The following UNC5C variants were observed in gnomAD, a reference collection of about 807,000 sequenced individuals.
UNC5C encodes the protein netrin receptor UNC5C.
In UNC5C, 47 loss-of-function variants were observed where a neutral mutation model predicts 99.8. That is an observed-to-expected ratio of 0.47 (90% CI 0.37 to 0.60). UNC5C has a LOEUF of 0.60. Ranked by LOEUF, UNC5C falls within the 20% of genes least tolerant of loss-of-function variation. The pLI is 0.00. For synonymous variants in UNC5C, 487 were observed against 452.2 expected (o/e 1.08, Z -0.98); for missense variants, 1,062 against 1,165.9 (o/e 0.91, Z 1.30).
rs552741729 is a variant in UNC5C at position 95,547,350 on chromosome 4, C to T, written c.124+1384G>A. 4.6e-5 allele frequency among the ~76,000 whole-genome samples: 7 copies of T among 152,206 alleles called. 1 individual carries two copies. The highest frequency in any genetic ancestry group is 1.7e-4 in the African/African-American group (7 of 41,532). ...TAATCACTTACCTCTCCACCCAGAC[C>T]GCACTCCTATGCTAGGCGCTCTCCT... On this transcript the variant is annotated intron_variant, in intron 1 of 15. Transcript: ENST00000453304.
intron 1 of UNC5C, among the ~76,000 whole-genome samples, chr4:95,410,469 C>T (rs908642402): frequency 3.9e-5 from 6 of 152,188 alleles, no homozygotes; most frequent in South Asian, 2.1e-4. Flanking sequence ...CACTAAAATA[C>T]CCCATTATTT....
chr4:95,205,711 G>T (rs1737851513), intron 11 of UNC5C, among the ~76,000 whole-genome samples: 1 of 151,940 alleles, frequency 6.6e-6, no homozygotes, highest in African/African-American at 2.4e-5. Context: ...GAGTATTTTT[G>T]GATAAACATA....
chr4:95,455,563 G>A (rs1010107712), intron 1 of UNC5C, among the ~76,000 whole-genome samples: 11 of 152,006 alleles, frequency 7.2e-5, no homozygotes, highest in African/African-American at 2.7e-4. Context: ...AGTTTGAGGT[G>A]GCTGCAGTGA....
chr4:95,484,422 T>C (rs554610084), intron 1 of UNC5C, among the ~76,000 whole-genome samples: 1 of 151,718 alleles, frequency 6.6e-6, no homozygotes, highest in Non-Finnish European at 1.5e-5. Flanking sequence ...CTGCCTGGGC[T>C]CACGAGCAGG....
intron 7 of UNC5C, chr4:95,222,268 T>C: frequency 6.9e-7 from 1 of 1,439,488 alleles, no homozygotes; most frequent in Non-Finnish European, 9.1e-7. Context: ...AAATGAAACC[T>C]TGAAAAGAAA....
At chr4:95,428,688 G>C (rs1316944692) in intron 1 of UNC5C, among the ~76,000 whole-genome samples, 6 of 152,056 alleles carry the variant, frequency 3.9e-5, no homozygotes, top group Non-Finnish European at 8.8e-5. Flanking sequence ...ATCCCTTTAA[G>C]AATACCAAGA....
chr4:95,448,230 G>GAGAGAGAGAGAGAGAGAGAGAGAC (rs1560836842), intron 1 of UNC5C, among the ~76,000 whole-genome samples: 5 of 124,756 alleles, frequency 4.0e-5, no homozygotes, highest in African/African-American at 1.2e-4. Flanking sequence ...GTGTGTGTGA[G>GAGAGAGAGAGAGAGAGAGAGAGAC]AGAGAGAGAG....
chr4:95,354,481 T>TATATATA (rs1274789806), intron 1 of UNC5C, among the ~76,000 whole-genome samples: 4 of 99,716 alleles, frequency 4.0e-5, no homozygotes, highest in African/African-American at 1.8e-4. Context: ...ATATATATAT[T>TATATATA]TTTTTTTTTT....
At chr4:95,533,267 C>A (rs1019368926) in intron 1 of UNC5C, among the ~76,000 whole-genome samples, 1 of 151,678 alleles carries the variant, frequency 6.6e-6, no homozygotes, top group Non-Finnish European at 1.5e-5. Context: ...GGCATGGTGG[C>A]GGGCGTCTGT....
In UNC5C at chr4:95,396,644, C is replaced by A. The variant is rs1331158707; in HGVS notation, c.125-61013G>T. On this transcript the variant is annotated intron_variant, in intron 1 of 15. Coordinates refer to ENST00000453304, the MANE Select transcript of UNC5C (RefSeq NM_003728.4). ...CTGTCTTACCCTCTCTCGACTGGTT[C>A]CTTCTGAATGATGCCTTTCACCCAA... Among the ~76,000 whole-genome samples, 3 of 152,098 alleles carry A rather than the reference C, an allele frequency of 2.0e-5. No homozygotes were observed. In the East Asian group the frequency reaches 5.8e-4, roughly 29 times the overall value.
At chr4:95,494,973 GATTT>G (rs766801427) in intron 1 of UNC5C, among the ~76,000 whole-genome samples, 2 of 151,282 alleles carry the variant, frequency 1.3e-5, no homozygotes, top group Non-Finnish European at 3.0e-5. Context: ...TTGGAAGTAG[GATTT>G]ATTTCTCCAA....
At chr4:95,449,460 T>C (rs1294346266) in intron 1 of UNC5C, among the ~76,000 whole-genome samples, 1 of 152,214 alleles carries the variant, frequency 6.6e-6, no homozygotes. Flanking sequence ...GTAAGGTGTA[T>C]GGTGGTATGC....
intron 2 of UNC5C, among the ~76,000 whole-genome samples, chr4:95,312,344 T>A (rs139622020): frequency 6.6e-6 from 1 of 152,212 alleles, no homozygotes; most frequent in Non-Finnish European, 1.5e-5. Flanking sequence ...AACTGGCACA[T>A]AATATTTGTC....
intron 1 of UNC5C, among the ~76,000 whole-genome samples, chr4:95,540,629 C>T (rs1005107867): frequency 2.0e-5 from 3 of 152,186 alleles, no homozygotes; most frequent in African/African-American, 7.2e-5. Flanking sequence ...TTGCTGCTTG[C>T]TAAACTTGAG....
chr4:95,260,241 A>C (rs1249233456), intron 4 of UNC5C, among the ~76,000 whole-genome samples: 1 of 152,218 alleles, frequency 6.6e-6, no homozygotes, highest in Non-Finnish European at 1.5e-5. Context: ...AAAACGAAAC[A>C]AAAAAACCCC....
At chr4:95,196,495 GCT>G (rs1341355865) in intron 12 of UNC5C, among the ~76,000 whole-genome samples, 4 of 151,760 alleles carry the variant, frequency 2.6e-5, no homozygotes, top group African/African-American at 4.8e-5. Flanking sequence ...CTTGACTTTT[GCT>G]CTGGTAGTCA....
At chr4:95,193,385 C>A (rs983014788) in intron 12 of UNC5C, among the ~76,000 whole-genome samples, 2 of 152,198 alleles carry the variant, frequency 1.3e-5, no homozygotes, top group Admixed American at 1.3e-4. Context: ...CGTGCTGGAG[C>A]CGGCACAGGA....
chr4:95,493,465 A>C (rs1721554310), intron 1 of UNC5C, among the ~76,000 whole-genome samples: 1 of 151,356 alleles, frequency 6.6e-6, no homozygotes. Context: ...TTTAAAGAGA[A>C]TTTTCTGAAT....
In UNC5C at chr4:95,164,202, T is replaced by C. The variant is rs2149340478; in HGVS notation, c.*5032A>G. The C allele has an allele frequency of 6.6e-6, 1 of 152,310 alleles. No individual in the cohort carries two copies. The highest frequency in any genetic ancestry group is 2.4e-5 in the African/African-American group (1 of 41,574). The allele number at this position is 152,310 out of a possible 1,614,324, so 9.4% of individuals were successfully genotyped here. On this transcript the variant is annotated 3_prime_UTR_variant, in exon 16 of 16. Coordinates refer to ENST00000453304, the MANE Select transcript of UNC5C (RefSeq NM_003728.4). ...ACCCACCCAGTTCTACACAAAGCCA[T>C]CTCCCCACTTTTCAAAAATAGGTTT...
Sources: gnomAD v4.1 joint callset for allele counts (sites outside exome capture counted in the v4.1 genomes callset) on GRCh38, gnomAD v4.1.1 for gene constraint, MANE v1.5 for transcripts, NCBI Gene and HGNC (gene_info 2026-07-23, HGNC 2026-07-21) for gene names.